ARSL: variants seen among roughly 807,000 people sequenced by gnomAD.
ARSL encodes arylsulfatase L, also known as arylsulfatase E (chondrodysplasia punctata 1).
In ARSL, 4 loss-of-function variants were observed where a neutral mutation model predicts 31.1. The observed-to-expected ratio is 0.13, with a 90% CI of 0.06 to 0.29. The LOEUF is 0.29. Ranked by LOEUF, ARSL falls within the 10% of genes least tolerant of loss-of-function variation. ARSL has a pLI of 1.00. For missense variants in ARSL, 312 were observed against 497.8 expected, an observed-to-expected ratio of 0.63 and a Z score of 3.55; for synonymous variants, 198 against 209.9, an observed-to-expected ratio of 0.94 and a Z score of 0.49.
At chrX:2,943,229 C>T (rs373539124) in intron 7 of ARSL, 30 bp from the exon 8 acceptor site, 13 of 1,205,157 alleles carry the variant, frequency 1.1e-5, no homozygotes, top group Middle Eastern at 3.0e-4. Context: ...TTGGGGCCGT[C>T]GAAATGGAAA....
chrX:2,938,011 G>A (rs2089226989), intron 9 of ARSL, 84 bp downstream of exon 9: 3 of 1,190,707 alleles, frequency 2.5e-6, no homozygotes, highest in Non-Finnish European at 3.4e-6. Context: ...ACGCCTTACT[G>A]CAAAGCCAAA....
chrX:2,960,961 G>A (rs2089622930), intron 1 of ARSL, among the ~76,000 whole-genome samples: 1 of 110,776 alleles, frequency 9.0e-6, no homozygotes, highest in African/African-American at 3.3e-5. Flanking sequence ...GCTCATGCCT[G>A]GAATCCCAGC....
At position 2,943,129 on chromosome X, in the gene ARSL, G is replaced by A. The variant is rs368781635; in HGVS notation, c.1062C>T (p.His354=). The change falls in exon 8 of 11, where the codon CAC becomes CAT. Residue 354 remains histidine, a synonymous_variant. Transcript: ENST00000381134. ...CAAGTTGATTCTCTAGGGAACCGCC[G>A]TGATCCGACGTAAAATAAATGAGGG... ...NSTLIYFTSD[H]GGSLENQLGN... The A allele has an allele frequency of 2.9e-5, 35 of 1,208,750 alleles. No individual in the cohort carries two copies. Among genetic ancestry groups the A allele is most frequent in the South Asian group, 1.1e-4 (6 of 56,688 alleles).
At position 2,960,101 on chromosome X, in the gene ARSL, C is replaced by T. The variant is rs151213970; in HGVS notation, c.23+277G>A. Among the ~76,000 whole-genome samples the T allele has an allele frequency of 4.5e-3, 440 of 98,678 alleles. 3 individuals carry two copies. The highest frequency in any genetic ancestry group is 0.016 in the African/African-American group (421 of 26,950). The allele number at this position is 98,678 out of a possible 115,157, so 85.7% of individuals were successfully genotyped here. On this transcript the variant is annotated intron_variant, in intron 2 of 10. Coordinates refer to ENST00000381134, the MANE Select transcript of ARSL (RefSeq NM_000047.3). ...TGGCTAACACGGTGAAACCCCGTCT[C>T]TACTAAAAATACAAAAAATTAGCCG...
Position 2,956,736 on chromosome X carries a change from T to C in ARSL, c.186-1199A>G, listed in dbSNP as rs181001684. On this transcript the variant is annotated intron_variant, in intron 3 of 10. Coordinates refer to ENST00000381134, the MANE Select transcript of ARSL (RefSeq NM_000047.3). Reference sequence around the variant, plus strand: ...GCCTTGGCCTCCCAAAGTGCTGGGATTACAGGCGTGAGCCACCACGGCCAG... The same window carrying C: ...GCCTTGGCCTCCCAAAGTGCTGGGACTACAGGCGTGAGCCACCACGGCCAG... Among the ~76,000 whole-genome samples the C allele has an allele frequency of 2.5e-4, 27 of 108,435 alleles. No individual in the cohort carries two copies. In the East Asian group the frequency reaches 7.6e-3, roughly 31 times the overall value. 94.2% of individuals were successfully genotyped at this position (108,435 alleles called of 115,157 possible).
intron 8 of ARSL, among the ~76,000 whole-genome samples, chrX:2,940,092 T>G (rs141845908): frequency 0.045 from 4,890 of 108,722 alleles, 263 homozygotes; most frequent in African/African-American, 0.14. Context: ...GGTCTCAAAC[T>G]CCTGACCTCA....
intron 5 of ARSL, among the ~76,000 whole-genome samples, chrX:2,950,494 A>C (rs1480921961): frequency 9.0e-6 from 1 of 111,597 alleles, no homozygotes; most frequent in East Asian, 2.8e-4. Context: ...CTATGTGTCA[A>C]GAGTGGAGCC....
At chrX:2,951,181 G>A (rs1048195305) in intron 5 of ARSL, among the ~76,000 whole-genome samples, 1 of 111,894 alleles carries the variant, frequency 8.9e-6, no homozygotes, top group Non-Finnish European at 1.9e-5. Flanking sequence ...TTGTTTTGCA[G>A]TGCAATGATG....
chrX:2,945,309 G>C (rs752131258), intron 7 of ARSL, among the ~76,000 whole-genome samples: 2 of 111,800 alleles, frequency 1.8e-5, no homozygotes, highest in Non-Finnish European at 3.8e-5. Flanking sequence ...GGTCAGACTA[G>C]GATCTGGGCA....
chrX:2,961,433 G>C (rs1256353218), intron 1 of ARSL, among the ~76,000 whole-genome samples: 1 of 111,578 alleles, frequency 9.0e-6, no homozygotes, highest in African/African-American at 3.3e-5. Flanking sequence ...AAGGGGTCTG[G>C]AGAGTCATGC....
intron 2 of ARSL, 95 bp from the exon 3 acceptor site, chrX:2,958,530 T>A: frequency 1.0e-6 from 1 of 970,540 alleles, no homozygotes; most frequent in Non-Finnish European, 1.4e-6. Context: ...ATTGATATTA[T>A]CATCACATTT....
At chrX:2,963,831 A>G (rs1273886824) in intron 1 of ARSL, among the ~76,000 whole-genome samples, 1 of 109,373 alleles carries the variant, frequency 9.1e-6, no homozygotes, top group Non-Finnish European at 1.9e-5. Context: ...GACGTGAGCC[A>G]CCGTGCCCGA....
chrX:2,936,260 G>A lies in ARSL; in HGVS notation c.1411+482C>T, dbSNP rs780267859. ...TGAGGCAGGAGAATCACTTGAACCC[G>A]GGAGACTGCAGTTGCACTCCAGCCT... On this transcript the variant is annotated intron_variant, in intron 10 of 10. Coordinates refer to ENST00000381134, the MANE Select transcript of ARSL (RefSeq NM_000047.3). Among the ~76,000 whole-genome samples, 5 of 110,159 alleles carry A rather than the reference G, an allele frequency of 4.5e-5. No homozygotes were observed. The South Asian group carries it at 2.0e-3, about 44-fold the overall frequency.
At chrX:2,958,490 G>C (rs1027428389) in intron 2 of ARSL, 55 bp from the exon 3 acceptor site, 7 of 1,163,563 alleles carry the variant, frequency 6.0e-6, no homozygotes, top group Non-Finnish European at 8.2e-6. Context: ...CTTGTGTATG[G>C]GGGAAGTTGG....
chrX:2,939,918 G>A (rs760058134), intron 8 of ARSL, among the ~76,000 whole-genome samples: 44 of 94,967 alleles, frequency 4.6e-4, no homozygotes, highest in African/African-American at 1.7e-3. Flanking sequence ...TCACCCAGGC[G>A]AGAGTGCAGT....
intron 9 of ARSL, among the ~76,000 whole-genome samples, chrX:2,937,078 C>G (rs1569098401): frequency 8.9e-6 from 1 of 112,279 alleles, no homozygotes; most frequent in African/African-American, 3.2e-5. Context: ...TTAGTCACCA[C>G]CAAACGTCAC....
chrX:2,949,279 A>C (rs1407219642), intron 6 of ARSL, 25 bp downstream of exon 6: 1 of 1,209,953 alleles, frequency 8.3e-7, no homozygotes, highest in Admixed American at 2.2e-5. Flanking sequence ...GAGTGCTTGG[A>C]GGAAGCTGAC....
At chrX:2,963,443 G>T (rs2089665490) in intron 1 of ARSL, among the ~76,000 whole-genome samples, 1 of 109,437 alleles carries the variant, frequency 9.1e-6, no homozygotes, top group African/African-American at 3.3e-5. Context: ...GGGGAAGATG[G>T]TTTTTGCAGC....
rs565978940 is a variant in ARSL at position 2,944,265 on chromosome X, C to T, written c.992-1066G>A. On this transcript the variant is annotated intron_variant, in intron 7 of 10. Coordinates refer to ENST00000381134, the MANE Select transcript of ARSL (RefSeq NM_000047.3). The stretch of plus-strand genomic sequence containing the variant: ...GGTCAGCAGTTCGAGACCAGCCTGG[C>T]CAACATGGTGAAACCCCATCTCTAC... 6.4e-4 allele frequency among the ~76,000 whole-genome samples: 70 copies of T among 108,977 alleles called. No homozygotes were observed. In the South Asian group the frequency reaches 0.017, roughly 26 times the overall value. The allele number at this position is 108,977 out of a possible 115,157, so 94.6% of individuals were successfully genotyped here. A position where few individuals can be genotyped will look rare whatever the true frequency, so the allele number is the denominator to read the frequency against.
Sources: allele counts gnomAD v4.1 joint callset (sites outside exome capture counted in the v4.1 genomes callset), GRCh38; gene constraint gnomAD v4.1.1; transcripts MANE v1.5; gene names NCBI Gene and HGNC (gene_info 2026-07-23, HGNC 2026-07-21).